Variants in STK3 observed in about 807,000 individuals in gnomAD.
STK3 encodes serine/threonine kinase 3.
Under a neutral mutation model 58.0 loss-of-function variants are expected in STK3, and 41 were observed. That is an observed-to-expected ratio of 0.71 (90% CI 0.55 to 0.92). The LOEUF (loss-of-function observed/expected upper bound fraction) is 0.92. Among genes scored for constraint, STK3 ranks in the 40% least tolerant of loss-of-function variants. The pLI is 0.00. For synonymous variants in STK3, 170 were observed against 191.0 expected (o/e 0.89, Z 0.91); for missense variants, 479 against 602.7 (o/e 0.79, Z 2.15).
At chr8:98,736,575 C>T (rs1255598949) in intron 4 of STK3, among the ~76,000 whole-genome samples, 2 of 152,036 alleles carry the variant, frequency 1.3e-5, no homozygotes, top group African/African-American at 2.4e-5. Context: ...TTTCCTGTGC[C>T]TTTTATTTTC....
chr8:98,358,374 T>C, the STK3 span, among the ~76,000 whole-genome samples: 53 of 152,280 alleles, frequency 3.5e-4, no homozygotes, highest in African/African-American at 1.2e-3. Flanking sequence ...GGAACAGAAC[T>C]GAACCCTGCT....
chr8:98,477,483 G>A (rs751039056), intron 10 of STK3, among the ~76,000 whole-genome samples: 2 of 151,686 alleles, frequency 1.3e-5, no homozygotes, highest in East Asian at 1.9e-4. Flanking sequence ...CTCAATGTCC[G>A]TGTTTGAGAA....
At chr8:98,558,425 A>G (rs958732780) in intron 8 of STK3, among the ~76,000 whole-genome samples, 2 of 152,118 alleles carry the variant, frequency 1.3e-5, no homozygotes, top group African/African-American at 4.8e-5. Flanking sequence ...AGCAATGTTT[A>G]TGTTCCTCAA....
chr8:98,715,961 G>T (rs1826976297), intron 4 of STK3, among the ~76,000 whole-genome samples: 1 of 152,140 alleles, frequency 6.6e-6, no homozygotes, highest in Admixed American at 6.5e-5. Flanking sequence ...CATAAAAAAT[G>T]ATGAGTTCAT....
chr8:98,901,228 A>G (rs958164716), intron 1 of STK3, among the ~76,000 whole-genome samples: 4 of 152,340 alleles, frequency 2.6e-5, no homozygotes, highest in African/African-American at 9.6e-5. Context: ...TACTTGTAAA[A>G]TAGGGATAAT....
At chr8:98,699,362 C>T (rs1269684881) in intron 6 of STK3, among the ~76,000 whole-genome samples, 121 of 152,332 alleles carry the variant, frequency 7.9e-4, no homozygotes, top group African/African-American at 2.6e-3. Flanking sequence ...TCTCTCAACT[C>T]GTCAAAGTCA....
At chr8:98,677,737 T>C (rs974191415) in intron 6 of STK3, among the ~76,000 whole-genome samples, 4 of 152,210 alleles carry the variant, frequency 2.6e-5, no homozygotes, top group African/African-American at 9.6e-5. Context: ...CAAATATGGG[T>C]ACTTGTCATT....
intron 6 of STK3, among the ~76,000 whole-genome samples, chr8:98,616,805 C>A (rs1339564711): frequency 1.3e-5 from 2 of 150,544 alleles, no homozygotes; most frequent in Admixed American, 1.3e-4. Flanking sequence ...CACCCAGATT[C>A]ATAAAGCAAG....
At chr8:98,368,781 C>A (rs566157838), downstream of STK3, among the ~76,000 whole-genome samples, 1 of 152,176 alleles carries the variant, frequency 6.6e-6, no homozygotes, top group South Asian at 2.1e-4. Flanking sequence ...AGGCAGCAGA[C>A]CTGATTTCCA....
intron 10 of STK3, among the ~76,000 whole-genome samples, chr8:98,517,964 A>G (rs1237412566): frequency 6.6e-6 from 1 of 152,094 alleles, no homozygotes; most frequent in Admixed American, 6.6e-5. Context: ...CATTAGCCAC[A>G]ACATATGCTT....
At chr8:98,720,493 GT>G (rs1173056382) in intron 4 of STK3, among the ~76,000 whole-genome samples, 1 of 152,186 alleles carries the variant, frequency 6.6e-6, no homozygotes, top group East Asian at 1.9e-4. Flanking sequence ...GCTCACGCCT[GT>G]AATCCCAGCA....
At chr8:98,837,464 G>A (rs1835790007) in intron 3 of STK3, among the ~76,000 whole-genome samples, 1 of 151,714 alleles carries the variant, frequency 6.6e-6, no homozygotes, top group Admixed American at 6.6e-5. Context: ...TTTCCTTTAT[G>A]TACAAACCTA....
intron 2 of STK3, chr8:98,379,097 G>A (rs1817704319): frequency 5.6e-5 from 2 of 35,472 alleles, no homozygotes; most frequent in African/African-American, 1.7e-4. Context: ...ACCTAGCTCA[G>A]ATGGGGGTTA....
intron 1 of STK3, among the ~76,000 whole-genome samples, chr8:98,440,946 G>A (rs922510682): frequency 1.3e-5 from 2 of 152,166 alleles, no homozygotes; most frequent in African/African-American, 4.8e-5. Context: ...GAGGGTTCCC[G>A]TTGCCTTTTT....
intron 10 of STK3, among the ~76,000 whole-genome samples, chr8:98,513,776 G>A (rs1415106149): frequency 6.6e-6 from 1 of 152,118 alleles, no homozygotes; most frequent in Non-Finnish European, 1.5e-5. Context: ...GACTCCCATG[G>A]CTCATATGAG....
chr8:98,670,303 AGT>A (rs1822729640), intron 6 of STK3, among the ~76,000 whole-genome samples: 1 of 152,196 alleles, frequency 6.6e-6, no homozygotes, highest in East Asian at 1.9e-4. Flanking sequence ...GAGGGGTTGC[AGT>A]GAACCGTGAT....
chr8:98,539,655 T>C (rs1235749556), intron 9 of STK3, among the ~76,000 whole-genome samples: 1 of 152,234 alleles, frequency 6.6e-6, no homozygotes, highest in Admixed American at 6.5e-5. Flanking sequence ...ATTTAGTAAA[T>C]ATTATTTAAC....
At chr8:98,422,156 C>A (rs1184322012) in intron 3 of STK3, among the ~76,000 whole-genome samples, 1 of 152,182 alleles carries the variant, frequency 6.6e-6, no homozygotes, top group African/African-American at 2.4e-5. Context: ...AAGGACTCAC[C>A]TATAAAACAA....
intron 1 of STK3, among the ~76,000 whole-genome samples, chr8:98,787,799 AT>A (rs1832563958): frequency 6.6e-6 from 1 of 152,186 alleles, no homozygotes; most frequent in Non-Finnish European, 1.5e-5. Context: ...AAACAAAACA[AT>A]TATCAGCCAA....
Sources: allele counts gnomAD v4.1 joint callset (sites outside exome capture counted in the v4.1 genomes callset), GRCh38; gene constraint gnomAD v4.1.1; transcripts MANE v1.5; gene names NCBI Gene and HGNC (gene_info 2026-07-23, HGNC 2026-07-21).